The following RGS5 variants were observed in gnomAD, a reference collection of about 807,000 sequenced individuals.
The protein encoded by RGS5 is regulator of G protein signaling 5.
Under a neutral mutation model 18.9 loss-of-function variants are expected in RGS5, and 20 were observed. The ratio of observed to expected loss-of-function variants is 1.06; its 90% CI spans 0.74 to 1.54. RGS5 has a LOEUF of 1.54. RGS5 is among the 40% of genes most tolerant of loss of function. The pLI is 0.00. For synonymous variants in RGS5, 57 were observed against 76.2 expected (o/e 0.75, Z 1.31); for missense variants, 201 against 211.8 (o/e 0.95, Z 0.32).
At chr1:163,310,626 G>A (rs1265509869) in intron 1 of RGS5, among the ~76,000 whole-genome samples, 1 of 151,086 alleles carries the variant, frequency 6.6e-6, no homozygotes, top group Non-Finnish European at 1.5e-5. Flanking sequence ...TCAAAAGAAG[G>A]TGTTTTGTCT....
intron 2 of RGS5, among the ~76,000 whole-genome samples, chr1:163,270,862 C>T (rs952383174): frequency 6.6e-6 from 1 of 152,162 alleles, no homozygotes; most frequent in Non-Finnish European, 1.5e-5. Flanking sequence ...AATCACTCTA[C>T]AGCTCAGTCT....
In RGS5 at chr1:163,294,723, A is replaced by G. The variant is rs1159827616; in HGVS notation, c.-281+11510T>C. On this transcript the variant is annotated intron_variant, in intron 2 of 5. Coordinates refer to the RGS5 transcript ENST00000618415. ...TGCATGGTCAGGCTGCAAATTTTCC[A>G]AACCTTTATGCTCTCTCTTTCCTTT... Among the ~76,000 whole-genome samples the G allele has an allele frequency of 2.0e-5, 3 of 152,316 alleles. No individual in the cohort carries two copies. In the East Asian group the frequency reaches 5.8e-4, roughly 29 times the overall value.
intron 1 of RGS5, among the ~76,000 whole-genome samples, chr1:163,316,393 G>A (rs1011082184): frequency 5.3e-5 from 8 of 152,136 alleles, no homozygotes; most frequent in African/African-American, 1.9e-4. Context: ...TAAAATGTGT[G>A]TTCATAATTT....
chr1:163,156,788 A>C (rs1310906357), intron 3 of RGS5, among the ~76,000 whole-genome samples: 3 of 152,180 alleles, frequency 2.0e-5, no homozygotes, highest in African/African-American at 7.2e-5. Context: ...AATTCCCCTT[A>C]ATCTCAATTT....
At chr1:163,261,715 G>C (rs1342567898) in intron 2 of RGS5, among the ~76,000 whole-genome samples, 1 of 152,142 alleles carries the variant, frequency 6.6e-6, no homozygotes, top group Non-Finnish European at 1.5e-5. Context: ...GGATCAAGAG[G>C]CTCACAAGCT....
intron 2 of RGS5, among the ~76,000 whole-genome samples, chr1:163,298,357 T>C (rs1649473861): frequency 6.6e-6 from 1 of 152,114 alleles, no homozygotes; most frequent in South Asian, 2.1e-4. Context: ...TGAAATAAAC[T>C]GACAGTAGAC....
chr1:163,210,229 G>A (rs1660071507), intron 1 of RGS5, among the ~76,000 whole-genome samples: 1 of 152,020 alleles, frequency 6.6e-6, no homozygotes, highest in African/African-American at 2.4e-5. Flanking sequence ...GAGCTCCTGG[G>A]CTCAAGCAAT....
intron 2 of RGS5, among the ~76,000 whole-genome samples, chr1:163,250,119 T>C (rs538738759): frequency 6.6e-5 from 10 of 152,306 alleles, no homozygotes; most frequent in South Asian, 2.1e-4. Flanking sequence ...AAGATGACCA[T>C]TGGGTTCTCC....
intron 1 of RGS5, among the ~76,000 whole-genome samples, chr1:163,175,045 T>C (rs961745309): frequency 6.6e-6 from 1 of 152,140 alleles, no homozygotes; most frequent in Non-Finnish European, 1.5e-5. Context: ...AAAGAGCAGA[T>C]TGGTTCCAGG....
In RGS5 at chr1:163,147,468, CATTGTGATGTCCTTAGTG is replaced by C. The variant is rs1376745835; in HGVS notation, c.402_419del (p.Phe134_Met140delinsLeu). The C allele has an allele frequency of 6.2e-7, 1 of 1,610,804 alleles. No individual in the cohort carries two copies. Among genetic ancestry groups the C allele is most frequent in the Admixed American group, 1.7e-5 (1 of 59,690 alleles). ...TCAGGGAAGGTTCCACCAGGTTCTTCATTGTGATGTCCTTAGTGAAGTGGTCAATATTCACCTGTGGGC... is the reference window on the plus strand; with the variant it reads ...TCAGGGAAGGTTCCACCAGGTTCTTCAAGTGGTCAATATTCACCTGTGGGC... On this transcript the variant is annotated inframe_deletion, in exon 5 of 5. Transcript: ENST00000313961.
intron 2 of RGS5, among the ~76,000 whole-genome samples, chr1:163,224,408 T>C (rs1383264301): frequency 6.6e-6 from 1 of 152,248 alleles, no homozygotes; most frequent in African/African-American, 2.4e-5. Flanking sequence ...CTGAATAGTA[T>C]TCCACTGTGC....
intron 2 of RGS5, among the ~76,000 whole-genome samples, chr1:163,264,223 A>T (rs1460636473): frequency 6.6e-6 from 1 of 152,124 alleles, no homozygotes; most frequent in Non-Finnish European, 1.5e-5. Context: ...CAGCTAAGAT[A>T]GTATGTTATC....
upstream of RGS5, chr1:163,206,560 A>G (rs893228512): frequency 3.2e-4 from 49 of 152,212 alleles, 1 homozygote; most frequent in African/African-American, 1.1e-3. Flanking sequence ...ATAATCACCA[A>G]TGTGTTAATA....
intron 1 of RGS5, among the ~76,000 whole-genome samples, chr1:163,190,449 G>C (rs573797709): frequency 2.0e-5 from 3 of 152,174 alleles, no homozygotes; most frequent in Non-Finnish European, 4.4e-5. Flanking sequence ...GCCTGGAAAA[G>C]TTCCATAGTA....
chr1:163,160,686 A>G (rs1657764172), intron 3 of RGS5, among the ~76,000 whole-genome samples: 1 of 152,192 alleles, frequency 6.6e-6, no homozygotes, highest in Non-Finnish European at 1.5e-5. Context: ...AATTCAACAT[A>G]TATTCTTTGT....
chr1:163,255,073 A>T (rs1030490922), intron 2 of RGS5, among the ~76,000 whole-genome samples: 4 of 152,196 alleles, frequency 2.6e-5, no homozygotes, highest in African/African-American at 7.2e-5. Flanking sequence ...GTTTGAAGTC[A>T]GGTAGCATGA....
intron 1 of RGS5, among the ~76,000 whole-genome samples, chr1:163,179,900 GTAACTGTAA>G (rs1476285920): frequency 3.3e-5 from 5 of 152,206 alleles, no homozygotes; most frequent in African/African-American, 1.2e-4. Flanking sequence ...CCATTTTTAT[GTAACTGTAA>G]TATTCTCCTT....
intron 2 of RGS5, among the ~76,000 whole-genome samples, chr1:163,261,520 T>C (rs1482155360): frequency 1.3e-5 from 2 of 152,110 alleles, no homozygotes; most frequent in Non-Finnish European, 2.9e-5. Context: ...AGACAGTCTT[T>C]CTCTTTCTTG....
rs555928990 is a variant in RGS5 at position 163,228,493 on chromosome 1, G to A, written c.-280-60125C>T. On this transcript the variant is annotated intron_variant, in intron 2 of 5. Transcript: ENST00000618415. ...CACACAGCAAGGGGGCCCTGGACCCGGCCCAGGACACCATTTTTCCCTCCT... is the reference window on the plus strand; with the variant it reads ...CACACAGCAAGGGGGCCCTGGACCCAGCCCAGGACACCATTTTTCCCTCCT... Among the ~76,000 whole-genome samples, 123 of 152,304 alleles carry A rather than the reference G, an allele frequency of 8.1e-4. 2 individuals are homozygous for A. The Middle Eastern group carries it at 0.017, about 21-fold the overall frequency.
Sources: gnomAD v4.1 joint callset for allele counts (sites outside exome capture counted in the v4.1 genomes callset) on GRCh38, gnomAD v4.1.1 for gene constraint, MANE v1.5 for transcripts, NCBI Gene and HGNC (gene_info 2026-07-23, HGNC 2026-07-21) for gene names.